SLC8A1: variants seen among roughly 807,000 people sequenced by gnomAD.
SLC8A1 encodes sodium/calcium exchanger 1.
A neutral mutation model predicts 68.3 loss-of-function variants in SLC8A1; 18 were observed. The ratio of observed to expected loss-of-function variants is 0.26; its 90% CI spans 0.18 to 0.39. The LOEUF (loss-of-function observed/expected upper bound fraction) is 0.39, where lower values mean the gene tolerates loss of function less well. Among genes scored for constraint, SLC8A1 ranks in the 10% least tolerant of loss-of-function variants. The probability of loss-of-function intolerance (pLI) is 1.00; values close to 1 mark genes in which losing one functional copy is unlikely to be tolerated. For synonymous variants in SLC8A1, 475 were observed against 415.5 expected (o/e 1.14, Z -1.74); for missense variants, 985 against 1,156.7 (o/e 0.85, Z 2.15).
chr2:40,189,476 G>A (rs528681706), intron 2 of SLC8A1, among the ~76,000 whole-genome samples: 29 of 151,984 alleles, frequency 1.9e-4, no homozygotes, highest in African/African-American at 6.3e-4. Context: ...GCATGCCACC[G>A]CGCCCGAATA....
At chr2:40,309,548 C>T (rs1379338210) in intron 2 of SLC8A1, among the ~76,000 whole-genome samples, 1 of 144,782 alleles carries the variant, frequency 6.9e-6, no homozygotes, top group African/African-American at 2.5e-5. Flanking sequence ...GCTCTGTTGC[C>T]CAGGCTGGAG....
chr2:40,193,574 G>T (rs972019135), intron 2 of SLC8A1, among the ~76,000 whole-genome samples: 2 of 152,132 alleles, frequency 1.3e-5, no homozygotes, highest in African/African-American at 4.8e-5. Flanking sequence ...ACATGTAAGT[G>T]GTAGAGGGTT....
chr2:40,309,615 C>T (rs921288139), intron 2 of SLC8A1, among the ~76,000 whole-genome samples: 1 of 150,026 alleles, frequency 6.7e-6, no homozygotes, highest in African/African-American at 2.4e-5. Flanking sequence ...AAGAGATTCT[C>T]CTGCCTCACC....
chr2:40,477,224 T>G (rs1390125765), intron 1 of SLC8A1, among the ~76,000 whole-genome samples: 1 of 151,318 alleles, frequency 6.6e-6, no homozygotes, highest in Non-Finnish European at 1.5e-5. Context: ...TAGTCTGAAC[T>G]ACCATGGTAT....
At chr2:40,404,748 T>C (rs1178121022) in intron 2 of SLC8A1, among the ~76,000 whole-genome samples, 1 of 152,154 alleles carries the variant, frequency 6.6e-6, no homozygotes, top group Non-Finnish European at 1.5e-5. Context: ...TAGCTTGAAA[T>C]GCATAATTAA....
chr2:40,349,521 T>C (rs962032647), intron 2 of SLC8A1, among the ~76,000 whole-genome samples: 2 of 152,194 alleles, frequency 1.3e-5, no homozygotes, highest in African/African-American at 4.8e-5. Flanking sequence ...TGACCTTGGG[T>C]AAGTTCCTCT....
intron 2 of SLC8A1, among the ~76,000 whole-genome samples, chr2:40,264,844 TA>T (rs1161461098): frequency 9.0e-5 from 5 of 55,388 alleles, no homozygotes; most frequent in African/African-American, 4.3e-4. Flanking sequence ...AAACTTAAAG[TA>T]TAAAAAAAAA....
intron 2 of SLC8A1, among the ~76,000 whole-genome samples, chr2:40,413,962 TTTG>T (rs1693022578): frequency 6.6e-6 from 1 of 152,196 alleles, no homozygotes; most frequent in Admixed American, 6.6e-5. Context: ...AGAAAATTAA[TTTG>T]TTGAGCATCA....
intron 2 of SLC8A1, among the ~76,000 whole-genome samples, chr2:40,200,253 T>TC (rs1356098450): frequency 2.8e-5 from 1 of 35,112 alleles, no homozygotes; most frequent in African/African-American, 6.7e-5. Context: ...TATATATATA[T>TC]ATATATATAT....
chr2:40,235,306 C>G (rs889995826), intron 2 of SLC8A1, among the ~76,000 whole-genome samples: 2 of 152,128 alleles, frequency 1.3e-5, no homozygotes, highest in African/African-American at 2.4e-5. Flanking sequence ...AGAGATTCAA[C>G]TTCTTCCTGG....
In SLC8A1 at chr2:40,302,031, C is replaced by CTGTGTGTGTGTGTGTGTGTG. The variant is rs374407377; in HGVS notation, c.1809-124196_1809-124177dup. Among the ~76,000 whole-genome samples, 587 of 132,308 alleles carry CTGTGTGTGTGTGTGTGTGTG rather than the reference C, an allele frequency of 4.4e-3. 4 individuals carry two copies. Among genetic ancestry groups the CTGTGTGTGTGTGTGTGTGTG allele is most frequent in the East Asian group, 0.013 (53 of 4,102 alleles). The allele number at this position is 132,308 out of a possible 152,430, so 86.8% of individuals were successfully genotyped here. A position where few individuals can be genotyped will look rare whatever the true frequency, so the allele number is the denominator to read the frequency against. On this transcript the variant is annotated intron_variant, in intron 2 of 7. Coordinates refer to ENST00000406785, the Ensembl canonical transcript of SLC8A1. ...GCACCTGCCACCACACCGGGCTAAT[C>CTGTGTGTGTGTGTGTGTGTG]TGTGTGTGTGTGTGTGTGTGTGTGT... is the stretch of plus-strand genomic sequence containing the variant.
intron 2 of SLC8A1, among the ~76,000 whole-genome samples, chr2:40,182,004 G>A (rs1372289196): frequency 5.3e-5 from 8 of 152,118 alleles, no homozygotes; most frequent in Admixed American, 3.3e-4. Context: ...AAGGACTGAC[G>A]GAACCTTGAA....
intron 2 of SLC8A1, among the ~76,000 whole-genome samples, chr2:40,216,498 A>G (rs974049166): frequency 6.6e-6 from 1 of 152,208 alleles, no homozygotes; most frequent in African/African-American, 2.4e-5. Flanking sequence ...AATGATTTAT[A>G]TTCCTTTGAG....
At chr2:40,424,342 T>C (rs910232011) in intron 2 of SLC8A1, among the ~76,000 whole-genome samples, 1 of 151,828 alleles carries the variant, frequency 6.6e-6, no homozygotes, top group Non-Finnish European at 1.5e-5. Context: ...GCTAAGTCTA[T>C]AGAGAATTCT....
At chr2:40,488,988 T>G (rs1705149488) in intron 1 of SLC8A1, among the ~76,000 whole-genome samples, 1 of 152,088 alleles carries the variant, frequency 6.6e-6, no homozygotes, top group African/African-American at 2.4e-5. Flanking sequence ...TCCCACAAGA[T>G]AATCCTAACT....
intron 1 of SLC8A1, among the ~76,000 whole-genome samples, chr2:40,443,658 G>T (rs1700917299): frequency 6.6e-6 from 1 of 152,140 alleles, no homozygotes; most frequent in Non-Finnish European, 1.5e-5. Context: ...GGGTCAATGT[G>T]GTAGATGGAA....
Position 40,277,794 on chromosome 2 carries a change from G to GTATATATATA in SLC8A1, c.1809-99949_1809-99940dup, listed in dbSNP as rs56145701. Among the ~76,000 whole-genome samples the GTATATATATA allele has an allele frequency of 8.9e-3, 964 of 107,764 alleles. 19 individuals are homozygous for GTATATATATA. The highest frequency in any genetic ancestry group is 0.017 in the East Asian group (47 of 2,790). The allele number at this position is 107,764 out of a possible 152,430, so 70.7% of individuals were successfully genotyped here. On this transcript the variant is annotated intron_variant, in intron 2 of 7. Coordinates refer to ENST00000406785, the Ensembl canonical transcript of SLC8A1. ...TATGTATAAATATATATATATGTGT[G>GTATATATATA]TATATATATATATATATATATATAT... is the stretch of plus-strand genomic sequence containing the variant.
At chr2:40,111,919 G>C (rs2034580386) in exon 8 of SLC8A1, 1 of 152,194 alleles carries the variant, frequency 6.6e-6, no homozygotes, top group African/African-American at 2.4e-5. Context: ...CCTGGATGCA[G>C]GAAAGGATGT....
At chr2:40,413,721 G>T (rs1357082327) in intron 2 of SLC8A1, among the ~76,000 whole-genome samples, 1 of 152,136 alleles carries the variant, frequency 6.6e-6, no homozygotes, top group Non-Finnish European at 1.5e-5. Flanking sequence ...TTAAGAGGGA[G>T]CTCAAAGGCA....
Sources: allele counts gnomAD v4.1 joint callset (sites outside exome capture counted in the v4.1 genomes callset), GRCh38; gene constraint gnomAD v4.1.1; transcripts MANE v1.5; gene names NCBI Gene and HGNC (gene_info 2026-07-23, HGNC 2026-07-21).